Variants in CDC25C observed in about 807,000 individuals in gnomAD.
CDC25C encodes M-phase inducer phosphatase 3.
In CDC25C, 48 loss-of-function variants were observed where a neutral mutation model predicts 52.5. The ratio of observed to expected loss-of-function variants is 0.91; its 90% CI spans 0.72 to 1.16. The LOEUF is 1.16. Ranked by LOEUF, CDC25C falls within the 50% of genes most tolerant of loss-of-function variation. The pLI is 0.00. For synonymous variants in CDC25C, 187 were observed against 206.5 expected, an observed-to-expected ratio of 0.91 and a Z score of 0.81; for missense variants, 510 against 566.1, an observed-to-expected ratio of 0.90 and a Z score of 1.01.
At chr5:138,321,281 T>C (rs1759363590) in intron 6 of CDC25C, among the ~76,000 whole-genome samples, 1 of 152,136 alleles carries the variant, frequency 6.6e-6, no homozygotes, top group African/African-American at 2.4e-5. Context: ...GTTCTGGTGA[T>C]AGTCTCACAT....
intron 7 of CDC25C, among the ~76,000 whole-genome samples, chr5:138,305,259 A>G (rs902790531): frequency 2.0e-5 from 3 of 152,228 alleles, no homozygotes; most frequent in Admixed American, 6.5e-5. Context: ...CAGAGAGTTC[A>G]TCACCCGATT....
rs1580824362 is a variant in CDC25C, at chr5:138,329,652, T to C, written c.195-5A>G. The C allele has an allele frequency of 1.3e-6, 2 of 1,546,356 alleles. No individual in the cohort carries two copies. The highest frequency in any genetic ancestry group is 2.3e-5 in the East Asian group (1 of 44,310). ...AGGCAACGTTTTGGGGTTCCTCTGT[T>C]GAGACATAATAGTACATCGAAATTC... On this transcript the variant is annotated splice_region_variant and splice_polypyrimidine_tract_variant and intron_variant, in intron 2 of 13. Coordinates refer to ENST00000323760, the MANE Select transcript of CDC25C (RefSeq NM_001790.5).
chr5:138,322,366 C>T (rs1039115721), intron 6 of CDC25C, among the ~76,000 whole-genome samples: 1 of 151,624 alleles, frequency 6.6e-6, no homozygotes, highest in Non-Finnish European at 1.5e-5. Flanking sequence ...GTGGTGCAGT[C>T]TCGGCTTACT....
chr5:138,293,760 A>G (rs1035798711), intron 7 of CDC25C, among the ~76,000 whole-genome samples: 5 of 151,052 alleles, frequency 3.3e-5, no homozygotes, highest in African/African-American at 1.2e-4. Flanking sequence ...GATCCTCCCA[A>G]CTCAGCCTCC....
intron 7 of CDC25C, among the ~76,000 whole-genome samples, chr5:138,314,298 AC>A (rs1248178199): frequency 1.5e-5 from 2 of 133,826 alleles, no homozygotes; most frequent in Non-Finnish European, 3.2e-5. Flanking sequence ...CATTCATAGC[AC>A]CTTTTTTTTT....
intron 6 of CDC25C, among the ~76,000 whole-genome samples, chr5:138,324,519 G>C (rs34905925): frequency 0.3 from 45,722 of 151,758 alleles, 7,722 homozygotes; most frequent in South Asian, 0.45. Context: ...CAGCACTTTG[G>C]GGGGCAGAGG....
At chr5:138,285,914 T>A in intron 13 of CDC25C, 73 bp from the exon 14 acceptor site, 1 of 1,566,164 alleles carries the variant, frequency 6.4e-7, no homozygotes. Context: ...ATAGAGATGC[T>A]GCTGCTGGCA....
At position 138,287,635 on chromosome 5, in the gene CDC25C, C is replaced by T. The variant is rs546569521; in HGVS notation, c.928-368G>A. ...AAGAAATGCAAAATGGTTCCCTACC[C>T]ACCATCAAAAAGGAAGAAAGTAAGT... On this transcript the variant is annotated intron_variant, in intron 10 of 13. Transcript: ENST00000323760. Among the ~76,000 whole-genome samples the T allele has an allele frequency of 5.3e-5, 8 of 152,272 alleles. No homozygotes were observed. The South Asian group carries it at 1.2e-3, about 24-fold the overall frequency.
intron 7 of CDC25C, among the ~76,000 whole-genome samples, chr5:138,318,288 A>G (rs1381736120): frequency 6.6e-6 from 1 of 152,190 alleles, no homozygotes; most frequent in Non-Finnish European, 1.5e-5. Flanking sequence ...ACTCCAGCCT[A>G]GGTGACACAG....
chr5:138,300,260 G>A (rs1368308245), intron 7 of CDC25C, among the ~76,000 whole-genome samples: 1 of 152,100 alleles, frequency 6.6e-6, no homozygotes, highest in Non-Finnish European at 1.5e-5. Flanking sequence ...ATCAGCCACC[G>A]TATCCCACCA....
chr5:138,308,199 G>C (rs892250864), intron 7 of CDC25C, among the ~76,000 whole-genome samples: 50 of 151,940 alleles, frequency 3.3e-4, no homozygotes, highest in African/African-American at 1.2e-3. Context: ...TATTTCCTGG[G>C]GTCAATCTAT....
At chr5:138,327,949 C>G (rs941119805) in intron 4 of CDC25C, among the ~76,000 whole-genome samples, 1 of 152,098 alleles carries the variant, frequency 6.6e-6, no homozygotes, top group Non-Finnish European at 1.5e-5. Flanking sequence ...TCACTGCAAC[C>G]TCCGCCTCCT....
At chr5:138,338,197 A>G (rs1299990238) in exon 1 of CDC25C, 1 of 1,281,002 alleles carries the variant, frequency 7.8e-7, no homozygotes, top group Non-Finnish European at 1.0e-6. Context: ...CTGTCCCCCT[A>G]CTCTCCTCAG....
In CDC25C at chr5:138,288,724, G is replaced by A. The variant is rs11568000; in HGVS notation, c.927+777C>T. 6.4e-3 allele frequency among the ~76,000 whole-genome samples: 974 copies of A among 152,206 alleles called. 12 individuals are homozygous for A. The highest frequency in any genetic ancestry group is 9.8e-3 in the Non-Finnish European group (666 of 68,002). ...TAAAATAAAATCTGGAAGGCCATAG[G>A]AAAATATGACTAGTGGTTATCTCTG... On this transcript the variant is annotated intron_variant, in intron 10 of 13. Transcript: ENST00000323760.
At chr5:138,302,184 C>G (rs959825790) in intron 7 of CDC25C, among the ~76,000 whole-genome samples, 1 of 147,570 alleles carries the variant, frequency 6.8e-6, no homozygotes, top group Non-Finnish European at 1.5e-5. Flanking sequence ...TTTGTAGAGA[C>G]GGGGGTTCCA....
At chr5:138,303,481 C>T (rs1757781321) in intron 7 of CDC25C, among the ~76,000 whole-genome samples, 1 of 152,210 alleles carries the variant, frequency 6.6e-6, no homozygotes, top group Non-Finnish European at 1.5e-5. Flanking sequence ...CCCTTCTCCA[C>T]TTGCTCCCTC....
At chr5:138,323,736 G>A (rs1307529045) in intron 6 of CDC25C, among the ~76,000 whole-genome samples, 1 of 151,954 alleles carries the variant, frequency 6.6e-6, no homozygotes, top group Non-Finnish European at 1.5e-5. Flanking sequence ...CGAGGTGGGT[G>A]GATCACAAGG....
Position 138,331,776 on chromosome 5 carries a change from GGCCAAAGT to G in CDC25C, c.-228_-221del, listed in dbSNP as rs1760407987. 2 of 961,518 alleles carry G rather than the reference GGCCAAAGT, an allele frequency of 2.1e-6. No homozygotes were observed. The highest frequency in any genetic ancestry group is 2.5e-6 in the Non-Finnish European group (2 of 807,198). 59.6% of individuals were successfully genotyped at this position (961,518 alleles called of 1,614,324 possible). ...GACTCAGAGTCTTCCCTGAGCAGAAGGCCAAAGTTACGGCCTCTGAGCAAGAATATCAA... is the reference window on the plus strand; with the variant it reads ...GACTCAGAGTCTTCCCTGAGCAGAAGTACGGCCTCTGAGCAAGAATATCAA... On this transcript the variant is annotated 5_prime_UTR_variant, in exon 1 of 14. Coordinates refer to ENST00000323760, the MANE Select transcript of CDC25C (RefSeq NM_001790.5).
At chr5:138,330,244 T>C (rs1265579088) in intron 2 of CDC25C, among the ~76,000 whole-genome samples, 1 of 152,112 alleles carries the variant, frequency 6.6e-6, no homozygotes, top group Non-Finnish European at 1.5e-5. Context: ...GAGGGGGATC[T>C]TGACTCCACA....
Sources: allele counts gnomAD v4.1 joint callset (sites outside exome capture counted in the v4.1 genomes callset), GRCh38; gene constraint gnomAD v4.1.1; transcripts MANE v1.5; gene names NCBI Gene and HGNC (gene_info 2026-07-23, HGNC 2026-07-21).